KCNQ1: variants seen among roughly 807,000 people sequenced by gnomAD.
KCNQ1 encodes the protein potassium voltage-gated channel subfamily Q member 1.
KCNQ1 carries 49 observed loss-of-function variants against 72.4 expected under a neutral mutation model. The observed-to-expected ratio is 0.68, with a 90% CI of 0.54 to 0.86. The LOEUF (loss-of-function observed/expected upper bound fraction) is 0.86. Ranked by LOEUF, KCNQ1 falls within the 40% of genes least tolerant of loss-of-function variation. The pLI is 0.00. For missense variants in KCNQ1, 790 were observed against 945.1 expected (o/e 0.84, Z 2.15); for synonymous variants, 450 against 412.6 (o/e 1.09, Z -1.10).
rs1564820729 is a variant in KCNQ1, at chr11:2,572,011, A to C, written c.684-2A>C. The C allele has an allele frequency of 6.2e-7, 1 of 1,611,538 alleles. No individual in the cohort carries two copies. Among genetic ancestry groups the C allele is most frequent in the Non-Finnish European group, 8.5e-7 (1 of 1,179,284 alleles). On this transcript the variant is annotated splice_acceptor_variant, in intron 4 of 15. Coordinates refer to ENST00000155840, the MANE Select transcript of KCNQ1 (RefSeq NM_000218.3). LOFTEE classifies it high-confidence loss of function. ...CTCAGCCCCACACCATCTCCTTCGC[A>C]GGGGCATCCGCTTCCTGCAGATCCT...
At position 2,493,037 on chromosome 11, in the gene KCNQ1, G is replaced by T. The variant is rs1324505631; in HGVS notation, c.387-34891G>T. 6.6e-6 allele frequency among the ~76,000 whole-genome samples: 1 copy of T among 152,072 alleles called. No individual in the cohort carries two copies. Among genetic ancestry groups the T allele is most frequent in the Non-Finnish European group, 1.5e-5 (1 of 68,000 alleles). On this transcript the variant is annotated intron_variant, in intron 1 of 15. Coordinates refer to ENST00000155840, the MANE Select transcript of KCNQ1 (RefSeq NM_000218.3). The surrounding 1 kb of genome is among the most constrained non-coding windows in gnomAD (Gnocchi z 5.3). The stretch of plus-strand genomic sequence containing the variant: ...GCATCTGTTGTTTCCTGATTTTTTA[G>T]TGATCGCCATTCTAACTGGCATGAG...
chr11:2,450,994 C>T lies in KCNQ1; in HGVS notation c.386+5510C>T, dbSNP rs142976556. Among the ~76,000 whole-genome samples the T allele has an allele frequency of 3.3e-5, 5 of 152,190 alleles. No individual in the cohort carries two copies. Among genetic ancestry groups the T allele is most frequent in the African/African-American group, 1.2e-4 (5 of 41,530 alleles). On this transcript the variant is annotated intron_variant, in intron 1 of 15. Transcript: ENST00000155840. The surrounding 1 kb of genome is among the most constrained non-coding windows in gnomAD (Gnocchi z 7.9). ...GGGACCCAGGTGTCTTCCCACTTCT[C>T]GACCATCTCCTGGGAAGTTCTAATG...
rs1172436433 is a variant in KCNQ1 at position 2,748,507 on chromosome 11, C to T, written c.1515-20337C>T. ...GCTCCACTCTTCCTCCAGGTGAGCCCGAGGGCCCAGCTGGGCGTCCACGTG... is the reference window on the plus strand; with the variant it reads ...GCTCCACTCTTCCTCCAGGTGAGCCTGAGGGCCCAGCTGGGCGTCCACGTG... On this transcript the variant is annotated intron_variant, in intron 11 of 15. Coordinates refer to ENST00000155840, the MANE Select transcript of KCNQ1 (RefSeq NM_000218.3). The surrounding 1 kb of genome is among the most constrained non-coding windows in gnomAD (Gnocchi z 6.2). Among the ~76,000 whole-genome samples, 3 of 152,142 alleles carry T rather than the reference C, an allele frequency of 2.0e-5. No homozygotes were observed. Among genetic ancestry groups the T allele is most frequent in the East Asian group, 1.9e-4 (1 of 5,186 alleles).
At chr11:2,455,100 CT>C (rs34930428) in intron 1 of KCNQ1, among the ~76,000 whole-genome samples, 25,647 of 142,062 alleles carry the variant, frequency 0.18, 3,651 homozygotes, top group African/African-American at 0.42. Flanking sequence ...AAATCAGCAG[CT>C]TTTTTTTTTT....
intron 15 of KCNQ1, among the ~76,000 whole-genome samples, chr11:2,835,974 G>A (rs1238436356): frequency 6.6e-6 from 1 of 152,088 alleles, no homozygotes; most frequent in Non-Finnish European, 1.5e-5. Context: ...AGGGGTCGGG[G>A]ACAGGTGGGA....
At chr11:2,533,592 G>A (rs919075194) in intron 2 of KCNQ1, among the ~76,000 whole-genome samples, 5 of 152,244 alleles carry the variant, frequency 3.3e-5, no homozygotes, top group Non-Finnish European at 7.3e-5. Context: ...GTAGCTCCGT[G>A]CGCACATGCG....
chr11:2,721,141 C>T (rs138707003), intron 11 of KCNQ1, among the ~76,000 whole-genome samples: 14 of 152,168 alleles, frequency 9.2e-5, no homozygotes, highest in South Asian at 6.2e-4. Flanking sequence ...TTCTGGACGC[C>T]GGGGGGACAT....
chr11:2,772,454 A>G lies in KCNQ1; in HGVS notation c.1591-3506A>G, dbSNP rs1846618741. Among the ~76,000 whole-genome samples the G allele has an allele frequency of 6.6e-6, 1 of 151,980 alleles. No individual in the cohort carries two copies. The highest frequency in any genetic ancestry group is 2.1e-4 in the South Asian group (1 of 4,814). On this transcript the variant is annotated intron_variant, in intron 12 of 15. Transcript: ENST00000155840. This position sits in a 1 kb window ranked among gnomAD's most constrained non-coding sequence, Gnocchi z 6.6. ...ATCTCAGGCTCCTGAAGTCAGGATGATCTTTCCAGCCCAACCCCAGAGGAC... is the reference window on the plus strand; with the variant it reads ...ATCTCAGGCTCCTGAAGTCAGGATGGTCTTTCCAGCCCAACCCCAGAGGAC...
chr11:2,501,919 C>A (rs547533390), intron 1 of KCNQ1, among the ~76,000 whole-genome samples: 2 of 152,198 alleles, frequency 1.3e-5, no homozygotes, highest in East Asian at 1.9e-4. Flanking sequence ...TGTGATACAT[C>A]GTATCAACAG....
chr11:2,590,011 C>T (rs1458834463), intron 10 of KCNQ1, among the ~76,000 whole-genome samples: 1 of 152,180 alleles, frequency 6.6e-6, no homozygotes, highest in Non-Finnish European at 1.5e-5. Context: ...CCCCACTTCT[C>T]CCTGGGAGCT....
chr11:2,686,261 A>G (rs1590031920), intron 11 of KCNQ1: 1 of 398,492 alleles, frequency 2.5e-6, no homozygotes, highest in Admixed American at 4.4e-5. Flanking sequence ...AATGTCTGCC[A>G]CCCCAGTACT....
At chr11:2,531,129 G>A (rs2133656330) in intron 2 of KCNQ1, among the ~76,000 whole-genome samples, 1 of 152,278 alleles carries the variant, frequency 6.6e-6, no homozygotes, top group African/African-American at 2.4e-5. Flanking sequence ...GGCGAAGCCT[G>A]GAGAAGCCTG....
At chr11:2,733,804 A>ACT (rs1564875253) in intron 11 of KCNQ1, among the ~76,000 whole-genome samples, 2 of 35,720 alleles carry the variant, frequency 5.6e-5, no homozygotes, top group Non-Finnish European at 1.1e-4. Flanking sequence ...ACACACACAC[A>ACT]CACACACACA....
intron 7 of KCNQ1, 88 bp downstream of exon 7, chr11:2,583,633 A>C (rs1283778719): frequency 6.8e-6 from 6 of 888,428 alleles, no homozygotes; most frequent in Non-Finnish European, 9.6e-6. Context: ...GAGCAGACCC[A>C]CTTACGTTCA....
In KCNQ1 at chr11:2,588,806, G is replaced by T; in HGVS notation, c.1345G>T (p.Glu449Ter). The T allele has an allele frequency of 6.2e-7, 1 of 1,613,422 alleles. No homozygotes were observed. Residue 449 changes from glutamate (E) to a stop codon, truncating the protein, a stop_gained, in exon 10 of 16, where the codon GAA becomes TAA. Transcript: ENST00000155840. LOFTEE classifies it high-confidence loss of function. This position sits in a 1 kb window ranked among gnomAD's most constrained non-coding sequence, Gnocchi z 5.6. ...CCCCCATATCACGTGCGACCCCCCA[G>T]AAGAGCGGCGGCTGGACCACTTCTC... Reference protein sequence around the residue: ...TVPHITCDPPEERRLDHFSVD... With the variant: ...TVPHITCDPP
intron 2 of KCNQ1, among the ~76,000 whole-genome samples, chr11:2,561,804 G>A (rs1439512683): frequency 1.3e-5 from 2 of 152,226 alleles, no homozygotes; most frequent in Non-Finnish European, 2.9e-5. Context: ...CAGGGGCCCA[G>A]AAGCCCTCCC....
At chr11:2,605,919 T>C (rs1049531585) in intron 10 of KCNQ1, among the ~76,000 whole-genome samples, 3 of 152,210 alleles carry the variant, frequency 2.0e-5, no homozygotes, top group African/African-American at 7.2e-5. Context: ...GAGCATGTAA[T>C]GTCTGTCCAT....
At chr11:2,797,617 C>G (rs901846884) in intron 15 of KCNQ1, among the ~76,000 whole-genome samples, 1 of 152,158 alleles carries the variant, frequency 6.6e-6, no homozygotes, top group African/African-American at 2.4e-5. Context: ...TCTTGTATGT[C>G]TTGAAGGTTC....
Position 2,785,284 on chromosome 11 carries a change from T to C in KCNQ1, c.1794+7247T>C, listed in dbSNP as rs1846890459. Among the ~76,000 whole-genome samples the C allele has an allele frequency of 6.6e-6, 1 of 151,996 alleles. No individual in the cohort carries two copies. The highest frequency in any genetic ancestry group is 2.4e-5 in the African/African-American group (1 of 41,454). Reference sequence around the variant, plus strand: ...TATTCCTTATTCTACTGATTTGGTATAATACATTAATTTTCAGGTGTTAAA... The same window carrying C: ...TATTCCTTATTCTACTGATTTGGTACAATACATTAATTTTCAGGTGTTAAA... On this transcript the variant is annotated intron_variant, in intron 15 of 15. Coordinates refer to ENST00000155840, the MANE Select transcript of KCNQ1 (RefSeq NM_000218.3). This position sits in a 1 kb window ranked among gnomAD's most constrained non-coding sequence, Gnocchi z 4.4.
Sources: allele counts gnomAD v4.1 joint callset (sites outside exome capture counted in the v4.1 genomes callset), GRCh38; gene constraint gnomAD v4.1.1; non-coding constraint Gnocchi (gnomAD v3.1); transcripts MANE v1.5; gene names NCBI Gene and HGNC (gene_info 2026-07-23, HGNC 2026-07-21).